The following SLC35F4 variants were observed in gnomAD, a reference collection of about 807,000 sequenced individuals.
SLC35F4 encodes solute carrier family 35 member F4.
SLC35F4 carries 24 observed loss-of-function variants against 44.2 expected under a neutral mutation model. The ratio of observed to expected loss-of-function variants is 0.54; its 90% CI spans 0.39 to 0.76. SLC35F4 has a LOEUF of 0.76. Ranked by LOEUF, SLC35F4 falls within the 30% of genes least tolerant of loss-of-function variation. The pLI is 0.00. For synonymous variants in SLC35F4, 238 were observed against 223.6 expected (o/e 1.06, Z -0.57); for missense variants, 562 against 586.1 (o/e 0.96, Z 0.42).
intron 1 of SLC35F4, among the ~76,000 whole-genome samples, chr14:57,936,910 C>T (rs907852579): frequency 1.3e-5 from 2 of 152,126 alleles, no homozygotes; most frequent in Admixed American, 1.3e-4. Context: ...GAAAAATGAT[C>T]AAGCCAGCTT....
chr14:57,606,757 T>C (rs966018942), intron 1 of SLC35F4, among the ~76,000 whole-genome samples: 12 of 152,362 alleles, frequency 7.9e-5, no homozygotes, highest in African/African-American at 2.9e-4. Context: ...TACGCTCTCC[T>C]GGAATCTTCT....
chr14:57,894,923 C>T (rs920014059), intron 1 of SLC35F4, among the ~76,000 whole-genome samples: 6 of 152,116 alleles, frequency 3.9e-5, no homozygotes, highest in African/African-American at 1.4e-4. Flanking sequence ...AACTAAGGAG[C>T]TGGTGATTTG....
chr14:57,796,875 C>T (rs1001151803), intron 1 of SLC35F4, among the ~76,000 whole-genome samples: 5 of 152,180 alleles, frequency 3.3e-5, no homozygotes, highest in Non-Finnish European at 7.3e-5. Flanking sequence ...TTCAGTTTCA[C>T]TGGGAATCTC....
Position 57,589,261 on chromosome 14 carries a change from T to C in SLC35F4, c.542A>G (p.His181Arg). 6.2e-7 allele frequency: 1 copy of C among 1,613,672 alleles called. No homozygotes were observed. ...TTGCTTTTCTTGAGCAGTGGCTAGA[T>C]GACCAGAATAATAGACTGGGAAAAA... Reference protein sequence around the residue: ...IMFFPVYYSGHLATAQEKQSP... With the variant: ...IMFFPVYYSGRLATAQEKQSP... The change falls in exon 3 of 8, where the codon CAT (histidine) becomes CGT (arginine). Residue 181 changes from histidine (H) to arginine (R), a missense_variant. Physicochemically the swap from His to Arg is conservative, Grantham distance 29. Coordinates refer to ENST00000556826, the MANE Select transcript of SLC35F4 (RefSeq NM_001306087.2).
At chr14:57,764,222 T>C (rs1353687802) in intron 1 of SLC35F4, among the ~76,000 whole-genome samples, 1 of 152,172 alleles carries the variant, frequency 6.6e-6, no homozygotes, top group African/African-American at 2.4e-5. Context: ...AGTAAATTGT[T>C]GTTTTTAAGC....
At position 57,900,829 on chromosome 14, in the gene SLC35F4, GA is replaced by G. The variant is rs1041530610; in HGVS notation, n.282+81083del. 7.9e-5 allele frequency among the ~76,000 whole-genome samples: 12 copies of G among 151,372 alleles called. 1 individual carries two copies. Among genetic ancestry groups the G allele is most frequent in the Admixed American group, 3.3e-4 (5 of 15,180 alleles). On this transcript the variant is annotated intron_variant and non_coding_transcript_variant, in intron 1 of 1. Transcript: ENST00000556568. ...ACAAGGAACTTAAACAAATTTACAA[GA>G]AAAAAAACCCATTAAAAAATGCACA... is the stretch of plus-strand genomic sequence containing the variant.
chr14:57,889,472 GT>G (rs1566922450), intron 1 of SLC35F4, among the ~76,000 whole-genome samples: 1 of 152,360 alleles, frequency 6.6e-6, no homozygotes, highest in Non-Finnish European at 1.5e-5. Context: ...AGTAATTCAT[GT>G]TCACCAAAAG....
At chr14:57,649,722 T>G (rs1211696358) in intron 1 of SLC35F4, among the ~76,000 whole-genome samples, 1 of 152,186 alleles carries the variant, frequency 6.6e-6, no homozygotes, top group Non-Finnish European at 1.5e-5. Flanking sequence ...TGGCATGTGA[T>G]GGGCACTAGG....
At chr14:57,564,860 C>T (rs771215279) in intron 7 of SLC35F4, among the ~76,000 whole-genome samples, 1 of 152,280 alleles carries the variant, frequency 6.6e-6, no homozygotes, top group Non-Finnish European at 1.5e-5. Context: ...ATCTCCATCA[C>T]TTCAAAATAA....
rs200895718 is a variant in SLC35F4, at chr14:57,618,316, A to G, written c.104-24192T>C. Among the ~76,000 whole-genome samples, 8 of 152,320 alleles carry G rather than the reference A, an allele frequency of 5.3e-5. No individual in the cohort carries two copies. In the East Asian group the frequency reaches 1.4e-3, roughly 26 times the overall value. ...ACTGACGCAGAAGGTGGGTGATTTCAGCATTTCCAACTGAGGTACCTGGTT... is the reference window on the plus strand; with the variant it reads ...ACTGACGCAGAAGGTGGGTGATTTCGGCATTTCCAACTGAGGTACCTGGTT... On this transcript the variant is annotated intron_variant, in intron 1 of 7. Transcript: ENST00000556826.
At chr14:57,815,500 C>G (rs1014330037) in intron 1 of SLC35F4, among the ~76,000 whole-genome samples, 6 of 152,148 alleles carry the variant, frequency 3.9e-5, no homozygotes, top group Non-Finnish European at 8.8e-5. Context: ...GTCCCCTTAA[C>G]TTCAAGGGCT....
intron 1 of SLC35F4, among the ~76,000 whole-genome samples, chr14:57,832,072 A>G (rs1443682014): frequency 6.6e-6 from 1 of 152,180 alleles, no homozygotes; most frequent in Non-Finnish European, 1.5e-5. Flanking sequence ...TCATGAATCT[A>G]CAAACCAGAA....
chr14:57,676,030 C>T (rs1233137518), intron 1 of SLC35F4, among the ~76,000 whole-genome samples: 1 of 151,942 alleles, frequency 6.6e-6, no homozygotes, highest in East Asian at 1.9e-4. Context: ...AAATAGACAA[C>T]CCACAGAGTG....
At chr14:57,700,800 G>A (rs1007071943) in intron 1 of SLC35F4, among the ~76,000 whole-genome samples, 1 of 152,050 alleles carries the variant, frequency 6.6e-6, no homozygotes, top group African/African-American at 2.4e-5. Flanking sequence ...AGCTACTCAG[G>A]AGGCTGAGAT....
chr14:57,800,014 G>C (rs1239403109), intron 1 of SLC35F4, among the ~76,000 whole-genome samples: 2 of 152,218 alleles, frequency 1.3e-5, no homozygotes, highest in African/African-American at 4.8e-5. Context: ...GCAGTGGCCA[G>C]ACTGCTTCTT....
At chr14:57,660,661 T>A (rs2074108814) in intron 1 of SLC35F4, among the ~76,000 whole-genome samples, 1 of 152,054 alleles carries the variant, frequency 6.6e-6, no homozygotes, top group South Asian at 2.1e-4. Context: ...ACACTGTCTT[T>A]GTTGCTCAAG....
At chr14:57,876,842 A>G (rs1595262304) in intron 1 of SLC35F4, among the ~76,000 whole-genome samples, 1 of 152,160 alleles carries the variant, frequency 6.6e-6, no homozygotes, top group Non-Finnish European at 1.5e-5. Flanking sequence ...AGGTTTAAAG[A>G]CTAGTGGGCT....
chr14:57,570,256 G>GT (rs1389836410), intron 5 of SLC35F4, among the ~76,000 whole-genome samples: 1 of 152,172 alleles, frequency 6.6e-6, no homozygotes, highest in Non-Finnish European at 1.5e-5. Context: ...TCAGTGATGG[G>GT]TATTGGGTGA....
intron 1 of SLC35F4, among the ~76,000 whole-genome samples, chr14:57,738,255 T>C (rs2076514233): frequency 6.6e-6 from 1 of 152,162 alleles, no homozygotes; most frequent in African/African-American, 2.4e-5. Context: ...CATCTCAGTG[T>C]CACAGGGAGT....
Sources: allele counts gnomAD v4.1 joint callset (sites outside exome capture counted in the v4.1 genomes callset), GRCh38; gene constraint gnomAD v4.1.1; transcripts MANE v1.5; gene names NCBI Gene and HGNC (gene_info 2026-07-23, HGNC 2026-07-21).